Variants in CDH18 observed in about 807,000 individuals in gnomAD.
CDH18 encodes the protein cadherin 18, also known as cadherin-18.
In CDH18, 31 loss-of-function variants were observed where a neutral mutation model predicts 67.9. The ratio of observed to expected loss-of-function variants is 0.46; its 90% CI spans 0.34 to 0.62. CDH18 has a LOEUF of 0.62. Among genes scored for constraint, CDH18 ranks in the 20% least tolerant of loss-of-function variants. The pLI is 0.01. For synonymous variants in CDH18, 362 were observed against 347.2 expected (o/e 1.04, Z -0.48); for missense variants, 890 against 975.5 (o/e 0.91, Z 1.17).
intron 1 of CDH18, among the ~76,000 whole-genome samples, chr5:20,479,553 T>C (rs1394493954): frequency 6.6e-6 from 1 of 151,918 alleles, no homozygotes; most frequent in Non-Finnish European, 1.5e-5. Context: ...AACAGGCTAT[T>C]TGAAAATACA....
chr5:20,369,972 C>A (rs1580847096), intron 1 of CDH18, among the ~76,000 whole-genome samples: 1 of 152,124 alleles, frequency 6.6e-6, no homozygotes, highest in African/African-American at 2.4e-5. Context: ...ACCCATCACC[C>A]AGGAATTAAG....
At position 19,839,065 on chromosome 5, in the gene CDH18, A is replaced by C; in HGVS notation, c.-79T>G. ...AAGCTTAGTGAGCATTCAAGAGAGA[A>C]GCCAGAGCATCTTTAGGAAGGACAG... On this transcript the variant is annotated 5_prime_UTR_variant, in exon 3 of 13. Transcript: ENST00000382275. 1 of 1,095,306 alleles carries C rather than the reference A, an allele frequency of 9.1e-7. No homozygotes were observed. 67.8% of individuals were successfully genotyped at this position (1,095,306 alleles called of 1,614,324 possible).
chr5:20,050,464 T>A (rs1160178289), intron 2 of CDH18, among the ~76,000 whole-genome samples: 1 of 151,810 alleles, frequency 6.6e-6, no homozygotes, highest in Non-Finnish European at 1.5e-5. Flanking sequence ...AAGTCAATGG[T>A]TTACAAATGT....
chr5:20,090,679 G>C (rs915376874), intron 2 of CDH18, among the ~76,000 whole-genome samples: 2 of 151,918 alleles, frequency 1.3e-5, no homozygotes, highest in Non-Finnish European at 2.9e-5. Context: ...ACCAGAAATG[G>C]ATAAGTGAAC....
intron 2 of CDH18, among the ~76,000 whole-genome samples, chr5:20,094,946 C>T (rs1044615092): frequency 6.6e-6 from 1 of 152,016 alleles, no homozygotes; most frequent in African/African-American, 2.4e-5. Flanking sequence ...GAAAATGTGG[C>T]ACATATATAC....
intron 2 of CDH18, among the ~76,000 whole-genome samples, chr5:19,856,690 A>G (rs953385394): frequency 1.4e-5 from 2 of 142,840 alleles, no homozygotes; most frequent in African/African-American, 5.2e-5. Flanking sequence ...TTGTTTTTCT[A>G]TGTAAAGAGG....
At chr5:19,754,896 C>T (rs1197306336) in intron 3 of CDH18, among the ~76,000 whole-genome samples, 1 of 152,026 alleles carries the variant, frequency 6.6e-6, no homozygotes, top group African/African-American at 2.4e-5. Flanking sequence ...AATTAAATAA[C>T]CTGCTCCTGA....
At chr5:20,343,598 G>C (rs1740448530) in intron 1 of CDH18, among the ~76,000 whole-genome samples, 2 of 152,056 alleles carry the variant, frequency 1.3e-5, no homozygotes, top group Admixed American at 1.3e-4. Context: ...CATAAAGCAG[G>C]ATATACAATG....
intron 1 of CDH18, among the ~76,000 whole-genome samples, chr5:20,289,983 T>C (rs536873445): frequency 5.9e-5 from 9 of 152,128 alleles, no homozygotes; most frequent in Admixed American, 1.3e-4. Flanking sequence ...TTAACAAATA[T>C]AAATCTGGAA....
intron 1 of CDH18, among the ~76,000 whole-genome samples, chr5:20,389,244 G>A (rs1744602118): frequency 6.6e-6 from 1 of 151,978 alleles, no homozygotes; most frequent in African/African-American, 2.4e-5. Flanking sequence ...TCCTCTATTG[G>A]GTGCATATAT....
At chr5:20,242,636 A>ACATG (rs1554106680) in intron 2 of CDH18, among the ~76,000 whole-genome samples, 20 of 58,362 alleles carry the variant, frequency 3.4e-4, no homozygotes, top group African/African-American at 1.8e-3. Flanking sequence ...ATATATATGT[A>ACATG]TATATATATA....
chr5:19,500,573 GTTAT>G (rs1354792937), intron 11 of CDH18, among the ~76,000 whole-genome samples: 1 of 151,984 alleles, frequency 6.6e-6, no homozygotes, highest in Non-Finnish European at 1.5e-5. Context: ...TTATTTCTGT[GTTAT>G]TTATAATTTC....
chr5:20,274,939 C>T (rs958052828), intron 1 of CDH18, among the ~76,000 whole-genome samples: 7 of 152,102 alleles, frequency 4.6e-5, no homozygotes, highest in African/African-American at 1.7e-4. Flanking sequence ...AAACCTCTGA[C>T]CATGAATCAT....
At chr5:19,728,437 T>G (rs1044452315) in intron 4 of CDH18, among the ~76,000 whole-genome samples, 18 of 152,214 alleles carry the variant, frequency 1.2e-4, no homozygotes, top group Non-Finnish European at 2.9e-5. Context: ...GAGAAAGATT[T>G]AAGTACATGA....
chr5:20,008,228 G>C (rs1361045978), intron 2 of CDH18, among the ~76,000 whole-genome samples: 1 of 151,888 alleles, frequency 6.6e-6, no homozygotes, highest in African/African-American at 2.4e-5. Flanking sequence ...TTATGTTTGA[G>C]AATATAAAAA....
Position 19,838,988 on chromosome 5 carries a change from G to T in CDH18, c.-2C>A, listed in dbSNP as rs1188464332. The T allele has an allele frequency of 1.2e-6, 2 of 1,606,762 alleles. No homozygotes were observed. The highest frequency in any genetic ancestry group is 3.3e-5 in the Admixed American group (2 of 59,976). Reference sequence around the variant, plus strand: ...GCAAGATGTGCTAGTAATTTTCATTGTAAGATAACTTTCCAGTTCACAGTT... The same window carrying T: ...GCAAGATGTGCTAGTAATTTTCATTTTAAGATAACTTTCCAGTTCACAGTT... On this transcript the variant is annotated 5_prime_UTR_variant, in exon 3 of 13. Coordinates refer to ENST00000382275, the MANE Select transcript of CDH18 (RefSeq NM_004934.5).
At chr5:19,896,981 TAGAA>T (rs1484044886) in intron 2 of CDH18, among the ~76,000 whole-genome samples, 4 of 152,272 alleles carry the variant, frequency 2.6e-5, no homozygotes, top group South Asian at 4.1e-4. Context: ...GTTTCATTGT[TAGAA>T]AGAAACAAAC....
intron 2 of CDH18, among the ~76,000 whole-genome samples, chr5:20,236,864 G>A (rs113260946): frequency 0.026 from 3,960 of 151,926 alleles, 152 homozygotes; most frequent in African/African-American, 0.089. Flanking sequence ...TATATCACCA[G>A]ACACATATAT....
At chr5:20,360,138 CT>C in intron 1 of CDH18, among the ~76,000 whole-genome samples, 1 of 81,440 alleles carries the variant, frequency 1.2e-5, no homozygotes, top group Non-Finnish European at 3.0e-5. Flanking sequence ...ATATATAATT[CT>C]ATAATATATA....
Sources: allele counts gnomAD v4.1 joint callset (sites outside exome capture counted in the v4.1 genomes callset), GRCh38; gene constraint gnomAD v4.1.1; transcripts MANE v1.5; gene names NCBI Gene and HGNC (gene_info 2026-07-23, HGNC 2026-07-21).